Variants in DLG2 observed in about 807,000 individuals in gnomAD.
DLG2 encodes the protein discs large MAGUK scaffold protein 2.
Under a neutral mutation model 132.5 loss-of-function variants are expected in DLG2, and 45 were observed. That is an observed-to-expected ratio of 0.34 (90% confidence interval 0.27 to 0.44). The LOEUF (loss-of-function observed/expected upper bound fraction) is 0.44, where lower values mean the gene tolerates loss of function less well. DLG2 is among the 20% of genes least tolerant of loss of function. DLG2 has a pLI of 1.00. For missense variants in DLG2, 1,045 were observed against 1,196.9 expected (o/e 0.87, Z 1.87); for synonymous variants, 424 against 419.6 (o/e 1.01, Z -0.13).
At chr11:85,443,318 A>C (rs1003299427) in intron 3 of DLG2, among the ~76,000 whole-genome samples, 5 of 152,200 alleles carry the variant, frequency 3.3e-5, no homozygotes, top group South Asian at 2.1e-4. Flanking sequence ...TTGTGACTTC[A>C]ACCTAAAACA....
intron 18 of DLG2, among the ~76,000 whole-genome samples, chr11:83,724,474 TGTGAGA>T (rs1330245898): frequency 0.024 from 2,464 of 103,214 alleles, 29 homozygotes; most frequent in Non-Finnish European, 0.037. Context: ...TGTGTGTGTG[TGTGAGA>T]GAGAGAGAGA....
At chr11:84,863,213 A>G (rs2084025383) in intron 6 of DLG2, among the ~76,000 whole-genome samples, 2 of 152,126 alleles carry the variant, frequency 1.3e-5, no homozygotes. Flanking sequence ...AAAAGCCTGC[A>G]GTCTAATGGA....
At chr11:84,710,760 G>A (rs940493668) in intron 6 of DLG2, among the ~76,000 whole-genome samples, 6 of 150,942 alleles carry the variant, frequency 4.0e-5, no homozygotes, top group African/African-American at 1.5e-4. Flanking sequence ...GATAATACAT[G>A]AAACCCCATC....
intron 15 of DLG2, among the ~76,000 whole-genome samples, chr11:83,922,258 C>A (rs1270757385): frequency 6.6e-6 from 1 of 152,108 alleles, no homozygotes; most frequent in East Asian, 1.9e-4. Context: ...TCCATGTAAA[C>A]CCTTTCACAG....
At chr11:85,181,240 A>C (rs1401929719) in intron 4 of DLG2, among the ~76,000 whole-genome samples, 2 of 151,178 alleles carry the variant, frequency 1.3e-5, no homozygotes, top group African/African-American at 4.8e-5. Context: ...ATATGTGTAT[A>C]TATATGTGTA....
chr11:85,201,563 G>A (rs1319626246), intron 4 of DLG2, among the ~76,000 whole-genome samples: 1 of 152,154 alleles, frequency 6.6e-6, no homozygotes, highest in African/African-American at 2.4e-5. Context: ...TAGCTGTAGT[G>A]GTCACAGTCT....
chr11:84,097,568 C>T (rs888935233), intron 10 of DLG2, among the ~76,000 whole-genome samples: 9 of 152,248 alleles, frequency 5.9e-5, no homozygotes, highest in Admixed American at 1.3e-4. Flanking sequence ...TGCAGTGAAC[C>T]CTCTTGAATA....
At chr11:84,628,086 ATG>A (rs1339399537) in intron 6 of DLG2, among the ~76,000 whole-genome samples, 2 of 141,150 alleles carry the variant, frequency 1.4e-5, no homozygotes, top group African/African-American at 2.6e-5. Flanking sequence ...CTATATATAT[ATG>A]TACACACATA....
At chr11:85,308,210 A>T (rs1170255282) in intron 3 of DLG2, among the ~76,000 whole-genome samples, 1 of 128,900 alleles carries the variant, frequency 7.8e-6, no homozygotes. Context: ...CAAGAAAGAA[A>T]AGGTAACAAC....
intron 2 of DLG2, among the ~76,000 whole-genome samples, chr11:85,617,031 G>A (rs1035466578): frequency 1.3e-5 from 2 of 152,156 alleles, no homozygotes; most frequent in African/African-American, 4.8e-5. Context: ...CAGGGAAGTG[G>A]GGAAAACTTC....
intron 6 of DLG2, among the ~76,000 whole-genome samples, chr11:85,088,401 GCCT>G (rs2068269249): frequency 6.6e-6 from 1 of 152,120 alleles, no homozygotes; most frequent in Non-Finnish European, 1.5e-5. Flanking sequence ...TCCTACTCTA[GCCT>G]CTGAGAAATG....
intron 17 of DLG2, among the ~76,000 whole-genome samples, chr11:83,819,507 GAAAAGA>G (rs2050150898): frequency 8.7e-6 from 1 of 115,552 alleles, no homozygotes; most frequent in East Asian, 2.5e-4. Context: ...AAAAGAAAAA[GAAAAGA>G]AAAAGAAAAG....
At chr11:84,604,812 T>A (rs2099582562) in intron 6 of DLG2, among the ~76,000 whole-genome samples, 1 of 151,970 alleles carries the variant, frequency 6.6e-6, no homozygotes, top group African/African-American at 2.4e-5. Context: ...TTTGTGATAA[T>A]CTCTTCTAAA....
intron 2 of DLG2, among the ~76,000 whole-genome samples, chr11:85,624,483 TA>T (rs1251426274): frequency 1.3e-5 from 2 of 152,202 alleles, no homozygotes; most frequent in Non-Finnish European, 2.9e-5. Context: ...TCGTCATGTC[TA>T]CCACATGAAA....
chr11:85,259,645 G>C (rs2076840760), intron 4 of DLG2, among the ~76,000 whole-genome samples: 1 of 151,670 alleles, frequency 6.6e-6, no homozygotes, highest in Non-Finnish European at 1.5e-5. Flanking sequence ...CTGCTTGCTT[G>C]AATCTGGCCC....
chr11:84,479,858 C>A (rs957748285), intron 7 of DLG2, among the ~76,000 whole-genome samples: 2 of 151,994 alleles, frequency 1.3e-5, no homozygotes, highest in African/African-American at 4.8e-5. Flanking sequence ...AATGTTGTTC[C>A]ATAATTGCCA....
intron 4 of DLG2, among the ~76,000 whole-genome samples, chr11:85,268,549 T>C (rs1337850778): frequency 1.3e-5 from 2 of 152,208 alleles, no homozygotes; most frequent in African/African-American, 2.4e-5. Context: ...GTCCTCAACC[T>C]TGGCAAAATA....
chr11:83,455,091 A>G (rs2088725225), downstream of DLG2: 1 of 152,642 alleles, frequency 6.6e-6, no homozygotes, highest in Admixed American at 6.5e-5. Flanking sequence ...TCTATCAGGC[A>G]TTTTTACAAT....
chr11:85,251,807 T>C (rs2076409598), intron 4 of DLG2, among the ~76,000 whole-genome samples: 1 of 152,168 alleles, frequency 6.6e-6, no homozygotes, highest in African/African-American at 2.4e-5. Context: ...TTTTATGATT[T>C]TGTGATATTT....
Sources: allele counts gnomAD v4.1 joint callset (sites outside exome capture counted in the v4.1 genomes callset), GRCh38; gene constraint gnomAD v4.1.1; transcripts MANE v1.5; gene names NCBI Gene and HGNC (gene_info 2026-07-23, HGNC 2026-07-21).